The following MFHAS1 variants were observed in gnomAD, a reference collection of about 807,000 sequenced individuals.
MFHAS1 encodes malignant fibrous histiocytoma-amplified sequence 1.
Under a neutral mutation model 70.4 loss-of-function variants are expected in MFHAS1, and 50 were observed. The ratio of observed to expected loss-of-function variants is 0.71; its 90% CI spans 0.57 to 0.90. The LOEUF is 0.90. Among genes scored for constraint, MFHAS1 ranks in the 40% least tolerant of loss-of-function variants. MFHAS1 has a pLI of 0.00. For synonymous variants in MFHAS1, 952 were observed against 620.0 expected (o/e 1.54, Z -7.96); for missense variants, 1,795 against 1,347.6 (o/e 1.33, Z -5.20).
chr8:8,801,077 T>C (rs968344359), intron 1 of MFHAS1, among the ~76,000 whole-genome samples: 1 of 151,834 alleles, frequency 6.6e-6, no homozygotes, highest in Non-Finnish European at 1.5e-5. Context: ...TAGTGGGGCG[T>C]GGTGGCACGC....
intron 1 of MFHAS1, among the ~76,000 whole-genome samples, chr8:8,854,443 C>T (rs1401368665): frequency 6.6e-6 from 1 of 151,974 alleles, no homozygotes; most frequent in Non-Finnish European, 1.5e-5. Context: ...ATGGAGTGAA[C>T]CCGGGAGGCC....
intron 1 of MFHAS1, among the ~76,000 whole-genome samples, chr8:8,867,074 C>A (rs983366466): frequency 6.6e-6 from 1 of 152,118 alleles, no homozygotes; most frequent in Non-Finnish European, 1.5e-5. Flanking sequence ...TTCAGCTACA[C>A]ATAATATATT....
intron 1 of MFHAS1, among the ~76,000 whole-genome samples, chr8:8,856,814 G>T (rs568336883): frequency 1.1e-3 from 173 of 152,044 alleles, no homozygotes; most frequent in African/African-American, 3.5e-3. Context: ...TCCTGTCACC[G>T]GCATGTATCA....
chr8:8,818,786 C>T (rs1329795241), intron 1 of MFHAS1, among the ~76,000 whole-genome samples: 2 of 152,220 alleles, frequency 1.3e-5, no homozygotes. Context: ...TGCAAGGGCC[C>T]TGACTTTCCT....
In MFHAS1 at chr8:8,892,876, G is replaced by T; in HGVS notation, c.183C>A (p.Asn61Lys). ...GGTTCAGTGCCTCAATGTCCCCGAG[G>T]TTGGCCGGCAGCACGAGCTGGGGGG... ...PASPQLVLPA[N>K]LGDIEALNLG... The change falls in exon 1 of 3, where the codon AAC (asparagine) becomes AAA (lysine). Residue 61 changes from asparagine (N) to lysine (K), a missense_variant. By Grantham distance (94) the Asn-to-Lys change is moderately conservative (BLOSUM62 0). Transcript: ENST00000276282. The surrounding 1 kb of genome is among the most constrained non-coding windows in gnomAD (Gnocchi z 4.7). 1 of 1,587,828 alleles carries T rather than the reference G, an allele frequency of 6.3e-7. No individual in the cohort carries two copies. Among genetic ancestry groups the T allele is most frequent in the Non-Finnish European group, 8.6e-7 (1 of 1,168,992 alleles).
intron 1 of MFHAS1, among the ~76,000 whole-genome samples, chr8:8,868,601 G>C (rs1015513691): frequency 6.6e-6 from 1 of 151,932 alleles, no homozygotes; most frequent in African/African-American, 2.4e-5. Flanking sequence ...CCCAACAAAT[G>C]AGCATCTTAT....
At chr8:8,833,036 AGGGCAACG>A (rs1015157897) in intron 1 of MFHAS1, among the ~76,000 whole-genome samples, 1 of 152,152 alleles carries the variant, frequency 6.6e-6, no homozygotes, top group African/African-American at 2.4e-5. Flanking sequence ...CTCATCACAG[AGGGCAACG>A]GGGGAGCAGG....
In MFHAS1 at chr8:8,819,421, G is replaced by C. The variant is rs59927020; in HGVS notation, c.2999-21930C>G. On this transcript the variant is annotated intron_variant, in intron 1 of 2. Transcript: ENST00000276282. ...GAGATCGAGACCATCCTGGCTAACAGGGTGAAACCCCATCTCTACTAAAAA... is the reference window on the plus strand; with the variant it reads ...GAGATCGAGACCATCCTGGCTAACACGGTGAAACCCCATCTCTACTAAAAA... 4.6e-5 allele frequency among the ~76,000 whole-genome samples: 7 copies of C among 151,718 alleles called. No homozygotes were observed. The South Asian group carries it at 6.2e-4, about 14-fold the overall frequency.
intron 1 of MFHAS1, among the ~76,000 whole-genome samples, chr8:8,855,077 G>A (rs1465900690): frequency 6.6e-6 from 1 of 151,928 alleles, no homozygotes; most frequent in Non-Finnish European, 1.5e-5. Flanking sequence ...CAGTATATAT[G>A]GGGGGTTTGG....
chr8:8,816,220 C>A (rs915968278), intron 1 of MFHAS1, among the ~76,000 whole-genome samples: 4 of 152,054 alleles, frequency 2.6e-5, no homozygotes, highest in Non-Finnish European at 5.9e-5. Context: ...ATGATGGGGT[C>A]TGGGGTGACG....
intron 1 of MFHAS1, among the ~76,000 whole-genome samples, chr8:8,886,184 T>C (rs922087129): frequency 6.6e-6 from 1 of 151,912 alleles, no homozygotes; most frequent in Non-Finnish European, 1.5e-5. Flanking sequence ...TTTCCAATCA[T>C]TTCTTTTTTT....
Position 8,891,092 on chromosome 8 carries a change from T to G in MFHAS1, c.1967A>C (p.His656Pro). ...CTGCCAGGATCGAGGCAGTACTCTG[T>G]GTAAGTTGGGGAAGATCTCTCGGTG... is the stretch of plus-strand genomic sequence containing the variant. ...AEHREIFPNL[H>P]RVLPRSWQVL... Residue 656 changes from histidine (H) to proline (P), a missense_variant, in exon 1 of 3, where the codon CAC (histidine) becomes CCC (proline). Transcript: ENST00000276282. This position sits in a 1 kb window ranked among gnomAD's most constrained non-coding sequence, Gnocchi z 5.4. The G allele has an allele frequency of 1.2e-6, 2 of 1,613,772 alleles. No individual in the cohort carries two copies. Among genetic ancestry groups the G allele is most frequent in the African/African-American group, 1.3e-5 (1 of 74,972 alleles).
intron 1 of MFHAS1, among the ~76,000 whole-genome samples, chr8:8,879,760 C>G (rs1323183683): frequency 1.3e-5 from 2 of 152,150 alleles, no homozygotes; most frequent in African/African-American, 2.4e-5. Flanking sequence ...TCCCCAAGCC[C>G]AAGATCAGGT....
At chr8:8,851,156 C>A (rs1264341028) in intron 1 of MFHAS1, among the ~76,000 whole-genome samples, 2 of 152,312 alleles carry the variant, frequency 1.3e-5, no homozygotes, top group African/African-American at 4.8e-5. Flanking sequence ...TTTTTCCTAA[C>A]CCTTGGTGGT....
At chr8:8,856,724 T>C (rs1025133514) in intron 1 of MFHAS1, among the ~76,000 whole-genome samples, 1 of 152,048 alleles carries the variant, frequency 6.6e-6, no homozygotes, top group Non-Finnish European at 1.5e-5. Context: ...GCACAGAGCA[T>C]CCCCATGGCA....
Position 8,785,663 on chromosome 8 carries a change from C to G in MFHAS1, c.*359G>C, listed in dbSNP as rs1805514894. 4.4e-6 allele frequency: 1 copy of G among 227,222 alleles called. No homozygotes were observed. The highest frequency in any genetic ancestry group is 1.2e-4 in the South Asian group (1 of 8,372). 14.1% of individuals were successfully genotyped at this position (227,222 alleles called of 1,614,324 possible). A position where few individuals can be genotyped will look rare whatever the true frequency, so the allele number is the denominator to read the frequency against. The stretch of plus-strand genomic sequence containing the variant: ...TTAACAGAACTGAAATCTGAGTGCT[C>G]TAAATACTGCCACCTGTACTGTAAC... On this transcript the variant is annotated 3_prime_UTR_variant, in exon 3 of 3. Transcript: ENST00000276282.
chr8:8,874,480 C>G (rs566807264), intron 1 of MFHAS1, among the ~76,000 whole-genome samples: 33 of 152,258 alleles, frequency 2.2e-4, no homozygotes, highest in Non-Finnish European at 4.0e-4. Context: ...ACAGCATGAT[C>G]TCATTCCTGT....
intron 1 of MFHAS1, among the ~76,000 whole-genome samples, chr8:8,856,980 G>GAAAAAAAAAAAA (rs59496543): frequency 1.9e-5 from 1 of 53,370 alleles, no homozygotes; most frequent in African/African-American, 7.4e-5. Flanking sequence ...TCAGGAAAGT[G>GAAAAAAAAAAAA]AAAAAAAAAA....
At chr8:8,829,870 C>T (rs189559756) in intron 1 of MFHAS1, among the ~76,000 whole-genome samples, 2 of 152,180 alleles carry the variant, frequency 1.3e-5, no homozygotes, top group African/African-American at 2.4e-5. Flanking sequence ...GATTGCCTCA[C>T]GTGAGGTCAC....
Sources: allele counts gnomAD v4.1 joint callset (sites outside exome capture counted in the v4.1 genomes callset), GRCh38; gene constraint gnomAD v4.1.1; non-coding constraint Gnocchi (gnomAD v3.1); transcripts MANE v1.5; gene names NCBI Gene and HGNC (gene_info 2026-07-23, HGNC 2026-07-21).